MIPOL1: variants seen among roughly 807,000 people sequenced by gnomAD.
MIPOL1 encodes the protein mirror-image polydactyly gene 1 protein.
In MIPOL1, 57 loss-of-function variants were observed where a neutral mutation model predicts 60.9. That is an observed-to-expected ratio of 0.94 (90% CI 0.76 to 1.17). MIPOL1 has a LOEUF of 1.17. Ranked by LOEUF, MIPOL1 falls within the 50% of genes most tolerant of loss-of-function variation. MIPOL1 has a pLI of 0.00. For synonymous variants in MIPOL1, 179 were observed against 168.8 expected, an observed-to-expected ratio of 1.06 and a Z score of -0.47; for missense variants, 551 against 511.6, an observed-to-expected ratio of 1.08 and a Z score of -0.74.
At chr14:37,267,519 A>G (rs963265493) in intron 4 of MIPOL1, among the ~76,000 whole-genome samples, 94 of 151,554 alleles carry the variant, frequency 6.2e-4, no homozygotes, top group African/African-American at 2.2e-3. Context: ...TTAGAATTGG[A>G]AGAACTTTTT....
intron 11 of MIPOL1, among the ~76,000 whole-genome samples, chr14:37,480,546 A>G (rs988365369): frequency 6.6e-5 from 10 of 152,056 alleles, no homozygotes; most frequent in Non-Finnish European, 1.5e-4. Flanking sequence ...CTCGGTATAG[A>G]AAGAATGTAC....
intron 10 of MIPOL1, among the ~76,000 whole-genome samples, chr14:37,393,876 G>T (rs2093310560): frequency 6.7e-6 from 1 of 148,900 alleles, no homozygotes; most frequent in Non-Finnish European, 1.5e-5. Flanking sequence ...AGTCCCCAAA[G>T]TCCATTGTAT....
In MIPOL1 at chr14:37,360,860, G is replaced by A. The variant is rs150634066; in HGVS notation, c.829-8657G>A. On this transcript the variant is annotated intron_variant, in intron 9 of 12. Transcript: ENST00000684589. ...CTTAGTTATTTCTTGCCTTCTGCTA[G>A]CTTTTGAATGTGTTTGCTCTTGCTT... Among the ~76,000 whole-genome samples the A allele has an allele frequency of 3.5e-3, 535 of 152,144 alleles. 10 individuals are homozygous for A. In the East Asian group the frequency reaches 0.046, roughly 13 times the overall value.
chr14:37,395,303 A>G (rs184428282), intron 10 of MIPOL1, among the ~76,000 whole-genome samples: 57 of 152,128 alleles, frequency 3.7e-4, no homozygotes, highest in African/African-American at 1.3e-3. Context: ...TGGTATTTTG[A>G]TAGGGATTGC....
chr14:37,432,655 G>A (rs1012588322), intron 11 of MIPOL1, among the ~76,000 whole-genome samples: 3 of 151,176 alleles, frequency 2.0e-5, no homozygotes, highest in Admixed American at 6.6e-5. Flanking sequence ...ACTATCATTG[G>A]AAACATTTGT....
At chr14:37,375,778 A>G (rs919999775) in intron 10 of MIPOL1, among the ~76,000 whole-genome samples, 3 of 140,186 alleles carry the variant, frequency 2.1e-5, no homozygotes, top group Non-Finnish European at 4.7e-5. Flanking sequence ...TCTTTCTTTC[A>G]TTCTTACCAT....
intron 1 of MIPOL1, among the ~76,000 whole-genome samples, chr14:37,211,195 C>A (rs1300314486): frequency 6.9e-6 from 1 of 143,978 alleles, no homozygotes; most frequent in African/African-American, 2.5e-5. Context: ...CACCCCCCCA[C>A]CCCCCAGACA....
intron 11 of MIPOL1, among the ~76,000 whole-genome samples, chr14:37,469,092 A>G (rs1330635493): frequency 1.3e-5 from 2 of 152,202 alleles, no homozygotes; most frequent in Non-Finnish European, 2.9e-5. Context: ...AAGGCAAAGA[A>G]CAACTGAAAA....
intron 7 of MIPOL1, among the ~76,000 whole-genome samples, chr14:37,287,297 A>G (rs2084655478): frequency 6.6e-6 from 1 of 152,000 alleles, no homozygotes. Context: ...CACAGGCTGG[A>G]GTGCAGTGGT....
At chr14:37,324,611 A>G (rs1378343801) in intron 9 of MIPOL1, among the ~76,000 whole-genome samples, 1 of 152,036 alleles carries the variant, frequency 6.6e-6, no homozygotes, top group Non-Finnish European at 1.5e-5. Flanking sequence ...TGTCTTGTTT[A>G]AGGAATCTTT....
At chr14:37,428,784 G>A (rs2094010709) in intron 11 of MIPOL1, among the ~76,000 whole-genome samples, 1 of 149,374 alleles carries the variant, frequency 6.7e-6, no homozygotes, top group East Asian at 2.0e-4. Context: ...TCTTTATTCT[G>A]TTTGTTTCCT....
intron 1 of MIPOL1, among the ~76,000 whole-genome samples, chr14:37,227,090 A>G (rs1046976393): frequency 6.6e-6 from 1 of 152,212 alleles, no homozygotes; most frequent in Admixed American, 6.5e-5. Flanking sequence ...GCTGTAAAAA[A>G]TCACTAATTG....
At chr14:37,497,881 A>G (rs2095156396) in intron 11 of MIPOL1, among the ~76,000 whole-genome samples, 1 of 152,212 alleles carries the variant, frequency 6.6e-6, no homozygotes, top group African/African-American at 2.4e-5. Context: ...AATCTAAATC[A>G]GCATCTATTA....
chr14:37,389,500 C>T (rs1466072543), intron 10 of MIPOL1, among the ~76,000 whole-genome samples: 1 of 151,862 alleles, frequency 6.6e-6, no homozygotes, highest in Non-Finnish European at 1.5e-5. Context: ...CTGAGACTTT[C>T]TTTACTCTTT....
At chr14:37,531,183 G>A (rs1187035425) in intron 12 of MIPOL1, among the ~76,000 whole-genome samples, 2 of 152,096 alleles carry the variant, frequency 1.3e-5, no homozygotes, top group African/African-American at 2.4e-5. Context: ...ATGAATAGTT[G>A]TAAATCTTTG....
intron 10 of MIPOL1, among the ~76,000 whole-genome samples, chr14:37,388,586 G>A (rs776330277): frequency 5.7e-4 from 85 of 149,558 alleles, no homozygotes; most frequent in Admixed American, 4.9e-3. Context: ...TATGTCCACC[G>A]TAATGAAGAT....
At chr14:37,381,358 C>G (rs745677994) in intron 10 of MIPOL1, among the ~76,000 whole-genome samples, 8 of 151,768 alleles carry the variant, frequency 5.3e-5, no homozygotes, top group Non-Finnish European at 1.2e-4. Flanking sequence ...TTTTTCTGAC[C>G]CTATTGACTT....
At chr14:37,350,236 A>G (rs1400663877) in intron 9 of MIPOL1, among the ~76,000 whole-genome samples, 36 of 152,058 alleles carry the variant, frequency 2.4e-4, no homozygotes, top group Admixed American at 2.4e-3. Flanking sequence ...CATGCCTGAC[A>G]AATTCTTTAA....
At chr14:37,444,277 C>A (rs1034515081) in intron 11 of MIPOL1, among the ~76,000 whole-genome samples, 66 of 152,174 alleles carry the variant, frequency 4.3e-4, no homozygotes, top group African/African-American at 1.5e-3. Flanking sequence ...TTAACTTATT[C>A]TAGTAGCTTT....
Sources: gnomAD v4.1 joint callset for allele counts (sites outside exome capture counted in the v4.1 genomes callset) on GRCh38, gnomAD v4.1.1 for gene constraint, MANE v1.5 for transcripts, NCBI Gene and HGNC (gene_info 2026-07-23, HGNC 2026-07-21) for gene names.